The following EPHB4 variants were observed in gnomAD, a reference collection of about 807,000 sequenced individuals.
EPHB4 encodes the protein EPH receptor B4, also known as ephrin type-B receptor 4.
A neutral mutation model predicts 110.6 loss-of-function variants in EPHB4; 50 were observed. The ratio of observed to expected loss-of-function variants is 0.45; its 90% CI spans 0.36 to 0.57. EPHB4 has a LOEUF of 0.57. Among genes scored for constraint, EPHB4 ranks in the 20% least tolerant of loss-of-function variants. The pLI is 0.00. For synonymous variants in EPHB4, 592 were observed against 578.4 expected (o/e 1.02, Z -0.34); for missense variants, 1,128 against 1,382.1 (o/e 0.82, Z 2.91).
At chr7:100,818,489 C>T (rs1199341958) in intron 7 of EPHB4, 31 bp downstream of exon 7, 1 of 1,610,010 alleles carries the variant, frequency 6.2e-7, no homozygotes, top group South Asian at 1.1e-5. Context: ...ACCCATTGCC[C>T]ACCCACCCCA....
Position 100,823,729 on chromosome 7 carries a change from T to G in EPHB4, c.326A>C (p.Glu109Ala). The change falls in exon 3 of 17, where the codon GAG (glutamate) becomes GCG (alanine). Residue 109 changes from glutamate to alanine, a missense_variant. By Grantham distance (107) the Glu-to-Ala change is moderately radical. Transcript: ENST00000358173. ...CTCATAGTAGAAGACGGTGAAGGTC[T>G]CCTTGCAGGAGCGCCCAGCCCGAGG... ...SLPRAGRSCK[E>A]TFTVFYYESD... is the part of the protein sequence containing the mutation. 1 of 1,613,660 alleles carries G rather than the reference T, an allele frequency of 6.2e-7. No homozygotes were observed.
At chr7:100,819,925 T>C in intron 5 of EPHB4, 36 bp from the exon 6 acceptor site, 1 of 1,518,742 alleles carries the variant, frequency 6.6e-7, no homozygotes, top group Non-Finnish European at 8.9e-7. Flanking sequence ...GAGGCCGACC[T>C]GCTCTGCGGT....
At chr7:100,825,382 C>G (rs1454098207) in intron 1 of EPHB4, 2 of 152,230 alleles carry the variant, frequency 1.3e-5, no homozygotes, top group Admixed American at 6.5e-5. Flanking sequence ...TCTCCACCCT[C>G]CATTGTTCCA....
chr7:100,826,872 G>T, intron 1 of EPHB4, 107 bp downstream of exon 1: 1 of 1,319,862 alleles, frequency 7.6e-7, no homozygotes, highest in Non-Finnish European at 1.0e-6. Flanking sequence ...GGACTGCAGT[G>T]CCCGGGTAGG....
At position 100,826,963 on chromosome 7, in the gene EPHB4, C is replaced by G. The variant is rs1029838892; in HGVS notation, c.52+16G>C. 48 of 1,517,930 alleles carry G rather than the reference C, an allele frequency of 3.2e-5. No homozygotes were observed. The highest frequency in any genetic ancestry group is 1.7e-4 in the Middle Eastern group (1 of 5,762). 94.0% of individuals were successfully genotyped at this position (1,517,930 alleles called of 1,614,324 possible). ...CAGGAGTGACGGGGTGCGCCCCCCC[C>G]CGCAAGGAAACTCACCTTCCAAAGC... On this transcript the variant is annotated intron_variant, in intron 1 of 16. Transcript: ENST00000358173.
In EPHB4 at chr7:100,819,879, C is replaced by T. The variant is rs540693969; in HGVS notation, c.975G>A (p.Ser325=). Residue 325 remains serine (S), a synonymous_variant, in exon 6 of 17, where the codon TCG becomes TCA. Transcript: ENST00000358173. Reference sequence around the variant, plus strand: ...GGCGGGAAACCACGCTCCGCGGAGCCGAAGGAGGGGCTGCAGGAGACCAGG... The same window carrying T: ...GGCGGGAAACCACGCTCCGCGGAGCTGAAGGAGGGGCTGCAGGAGACCAGG... The part of the protein sequence containing the change: ...PRGAPCTTPP[S]APRSVVSRLN... 25 of 1,544,568 alleles carry T rather than the reference C, an allele frequency of 1.6e-5. 1 individual carries two copies. In the Middle Eastern group the frequency reaches 5.5e-4, roughly 34 times the overall value.
rs565109781 is a variant in EPHB4 at position 100,807,603 on chromosome 7, G to A, written c.2119-23C>T. ...TAGCTGGAGAGCAGATAGGGTGGGG[G>A]CTTGGTGAGGACAGCCCACCCACCG... is the stretch of plus-strand genomic sequence containing the variant. On this transcript the variant is annotated intron_variant, in intron 12 of 16. Transcript: ENST00000358173. The A allele has an allele frequency of 1.1e-4, 175 of 1,607,294 alleles. 3 individuals are homozygous for A. In the South Asian group the frequency reaches 1.8e-3, roughly 16 times the overall value.
At chr7:100,818,102 T>C (rs1307171626) in intron 7 of EPHB4, among the ~76,000 whole-genome samples, 3 of 147,122 alleles carry the variant, frequency 2.0e-5, no homozygotes, top group Non-Finnish European at 4.5e-5. Flanking sequence ...CTCCTGACCT[T>C]GTGATCCGCC....
chr7:100,803,616 G>A (rs1221534896), intron 16 of EPHB4, 26 bp from the exon 17 acceptor site: 1 of 1,576,920 alleles, frequency 6.3e-7, no homozygotes, highest in South Asian at 1.2e-5. Context: ...AGAGCTTGGT[G>A]AGACCCTAGG....
At chr7:100,825,835 C>T (rs1813373083) in intron 1 of EPHB4, among the ~76,000 whole-genome samples, 1 of 152,334 alleles carries the variant, frequency 6.6e-6, no homozygotes, top group East Asian at 1.9e-4. Context: ...CTTTCCTTCT[C>T]ACCACACCTC....
chr7:100,827,093 G>A lies in EPHB4; in HGVS notation c.-63C>T. ...GGGGGGCCCTCGCCCCCCCAGGTCT[G>A]ACTCTCCCTGGGCGGGTGGACGCCG... On this transcript the variant is annotated 5_prime_UTR_variant, in exon 1 of 17. Coordinates refer to ENST00000358173, the MANE Select transcript of EPHB4 (RefSeq NM_004444.5). 6.6e-7 allele frequency: 1 copy of A among 1,525,538 alleles called. No homozygotes were observed. The highest frequency in any genetic ancestry group is 1.4e-5 in the African/African-American group (1 of 72,476). 94.5% of individuals were successfully genotyped at this position (1,525,538 alleles called of 1,614,324 possible).
Position 100,813,695 on chromosome 7 carries a change from T to C in EPHB4, c.1713A>G (p.Glu571=), listed in dbSNP as rs758651667. The change falls in exon 10 of 17, where the codon GAA becomes GAG. Residue 571 remains glutamate, a synonymous_variant. Coordinates refer to ENST00000358173, the MANE Select transcript of EPHB4 (RefSeq NM_004444.5). The stretch of plus-strand genomic sequence containing the variant: ...GTCCGTGTTTGTCCGAATATTCTGC[T>C]TCTCTCCCATTGCTCTGCTTCCTGT... ...LCLRKQSNGR[E]AEYSDKHGQY... 1.1e-5 allele frequency: 18 copies of C among 1,614,120 alleles called. No individual in the cohort carries two copies. Among genetic ancestry groups the C allele is most frequent in the Non-Finnish European group, 1.4e-5 (17 of 1,180,030 alleles).
intron 9 of EPHB4, 101 bp downstream of exon 9, chr7:100,813,818 A>G (rs919781837): frequency 6.2e-7 from 1 of 1,605,548 alleles, no homozygotes; most frequent in Admixed American, 1.7e-5. Context: ...ATTTCAAGTA[A>G]AAAGAGGCTG....
intron 1 of EPHB4, chr7:100,824,614 C>A (rs1321400184): frequency 4.1e-6 from 1 of 241,144 alleles, no homozygotes; most frequent in South Asian, 7.2e-5. Flanking sequence ...CTGACCCCCA[C>A]GAGCAGAGGC....
Position 100,820,634 on chromosome 7 carries a change from C to G in EPHB4, c.809-338G>C, listed in dbSNP as rs540614716. On this transcript the variant is annotated intron_variant, in intron 4 of 16. Transcript: ENST00000358173. ...GATCTCGGCAGTCTGGTGAAGCCCA[C>G]AGAAAGACCTCTACTCCAACTTATG... Among the ~76,000 whole-genome samples the G allele has an allele frequency of 6.4e-4, 97 of 152,222 alleles. No homozygotes were observed. In the South Asian group the frequency reaches 9.3e-3, roughly 15 times the overall value.
At chr7:100,804,531 T>C (rs1006438001) in intron 16 of EPHB4, among the ~76,000 whole-genome samples, 5 of 151,900 alleles carry the variant, frequency 3.3e-5, no homozygotes, top group African/African-American at 1.2e-4. Flanking sequence ...TCCACAATGG[T>C]CTCGAACTCC....
Position 100,827,095 on chromosome 7 carries a change from C to T in EPHB4, c.-65G>A. 1.3e-6 allele frequency: 2 copies of T among 1,524,096 alleles called. No individual in the cohort carries two copies. The highest frequency in any genetic ancestry group is 1.8e-6 in the Non-Finnish European group (2 of 1,126,754). The allele number at this position is 1,524,096 out of a possible 1,614,324, so 94.4% of individuals were successfully genotyped here. ...GGGGCCCTCGCCCCCCCAGGTCTGACTCTCCCTGGGCGGGTGGACGCCGAT... is the reference window on the plus strand; with the variant it reads ...GGGGCCCTCGCCCCCCCAGGTCTGATTCTCCCTGGGCGGGTGGACGCCGAT... On this transcript the variant is annotated 5_prime_UTR_variant, in exon 1 of 17. Coordinates refer to ENST00000358173, the MANE Select transcript of EPHB4 (RefSeq NM_004444.5).
intron 10 of EPHB4, 98 bp from the exon 11 acceptor site, chr7:100,813,306 GTTTTTT>G (rs750195537): frequency 1.3e-4 from 52 of 385,812 alleles, no homozygotes; most frequent in Non-Finnish European, 1.6e-4. Flanking sequence ...TGTCTCCGTG[GTTTTTT>G]TTTTTTTTTT....
rs1029838892 is a variant in EPHB4 at position 100,826,963 on chromosome 7, C to T, written c.52+16G>A. 3.2e-5 allele frequency: 48 copies of T among 1,517,928 alleles called. 2 individuals are homozygous for T. The highest frequency in any genetic ancestry group is 3.9e-5 in the Non-Finnish European group (44 of 1,121,282). 94.0% of individuals were successfully genotyped at this position (1,517,928 alleles called of 1,614,324 possible). ...CAGGAGTGACGGGGTGCGCCCCCCC[C>T]CGCAAGGAAACTCACCTTCCAAAGC... On this transcript the variant is annotated intron_variant, in intron 1 of 16. Coordinates refer to ENST00000358173, the MANE Select transcript of EPHB4 (RefSeq NM_004444.5).
Sources: allele counts gnomAD v4.1 joint callset (sites outside exome capture counted in the v4.1 genomes callset), GRCh38; gene constraint gnomAD v4.1.1; transcripts MANE v1.5; gene names NCBI Gene and HGNC (gene_info 2026-07-23, HGNC 2026-07-21).